Variants in PLD2 observed in about 807,000 individuals in gnomAD.
PLD2 encodes phospholipase D2.
PLD2 carries 101 observed loss-of-function variants against 119.8 expected under a neutral mutation model. The observed-to-expected ratio is 0.84, with a 90% CI of 0.72 to 0.99. The LOEUF is 0.99. Among genes scored for constraint, PLD2 ranks in the 50% least tolerant of loss-of-function variants. PLD2 has a pLI of 0.00. For synonymous variants in PLD2, 494 were observed against 482.8 expected (o/e 1.02, Z -0.30); for missense variants, 1,164 against 1,226.8 (o/e 0.95, Z 0.76).
At chr17:4,815,663 C>T in intron 13 of PLD2, 77 bp downstream of exon 13, 1 of 1,589,086 alleles carries the variant, frequency 6.3e-7, no homozygotes, top group African/African-American at 1.3e-5. Flanking sequence ...CGCTCCCGCT[C>T]CCTGATGGTC....
rs1380279496 is a variant in PLD2 at position 4,814,447 on chromosome 17, C to T, written c.1040C>T (p.Ala347Val). 9.9e-6 allele frequency: 16 copies of T among 1,612,624 alleles called. No homozygotes were observed. Among genetic ancestry groups the T allele is most frequent in the Non-Finnish European group, 1.4e-5 (16 of 1,179,692 alleles). ...WFVNGAGYFAAVADAILRAQE... is the reference protein window; with the variant it reads ...WFVNGAGYFAVVADAILRAQE... ...GTGAATGGGGCAGGTTACTTTGCTGCTGTGGCAGATGCCATCCTTCGAGCT... is the reference window on the plus strand; with the variant it reads ...GTGAATGGGGCAGGTTACTTTGCTGTTGTGGCAGATGCCATCCTTCGAGCT... The change falls in exon 11 of 25, where the codon GCT (alanine) becomes GTT (valine). Residue 347 changes from alanine to valine, a missense_variant. Coordinates refer to ENST00000263088, the MANE Select transcript of PLD2 (RefSeq NM_002663.5).
chr17:4,807,861 TGAA>T lies in PLD2; in HGVS notation c.91_93del (p.Lys31del). 6.2e-7 allele frequency: 1 copy of T among 1,612,818 alleles called. No individual in the cohort carries two copies. Among genetic ancestry groups the T allele is most frequent in the East Asian group, 2.2e-5 (1 of 44,794 alleles). On this transcript the variant is annotated inframe_deletion, in exon 2 of 25. Coordinates refer to ENST00000263088, the MANE Select transcript of PLD2 (RefSeq NM_002663.5). This position sits in a 1 kb window ranked among gnomAD's most constrained non-coding sequence, Gnocchi z 5.4. The stretch of plus-strand genomic sequence containing the variant: ...ATGGAGTCCGATGAGGTGGACACCC[TGAA>T]GGAGGGAGAGGACCCAGGTACACAG...
chr17:4,807,337 G>A lies in PLD2; in HGVS notation c.-2+112G>A, dbSNP rs1905951828. 1 of 154,004 alleles carries A rather than the reference G, an allele frequency of 6.5e-6. No homozygotes were observed. The allele number at this position is 154,004 out of a possible 1,614,324, so 9.5% of individuals were successfully genotyped here. ...GACTCAGTCGCACGCTCAGATTTCG[G>A]GATTTCTACCCCCGGCTGGGATCGC... On this transcript the variant is annotated intron_variant, in intron 1 of 24. Coordinates refer to ENST00000263088, the MANE Select transcript of PLD2 (RefSeq NM_002663.5). This position sits in a 1 kb window ranked among gnomAD's most constrained non-coding sequence, Gnocchi z 5.4.
intron 10 of PLD2, among the ~76,000 whole-genome samples, chr17:4,813,198 T>C (rs2150672556): frequency 6.6e-6 from 1 of 152,008 alleles, no homozygotes; most frequent in Non-Finnish European, 1.5e-5. Context: ...TTAGTAGAGA[T>C]AGGATTTCAC....
chr17:4,819,557 T>G lies in PLD2; in HGVS notation c.2437T>G (p.Leu813Val). 1 of 1,612,960 alleles carries G rather than the reference T, an allele frequency of 6.2e-7. No individual in the cohort carries two copies. The highest frequency in any genetic ancestry group is 8.5e-7 in the Non-Finnish European group (1 of 1,179,378). ...AGAGTATCAGGCGGGCAGGTTTGCC[T>G]TGAGTCTGCGGAAGCACTGCTTCGG... is the stretch of plus-strand genomic sequence containing the variant. ...GAEYQAGRFA[L>V]SLRKHCFGVI... The change falls in exon 23 of 25, where the codon TTG (leucine) becomes GTG (valine). Residue 813 changes from leucine to valine, a missense_variant. Coordinates refer to ENST00000263088, the MANE Select transcript of PLD2 (RefSeq NM_002663.5). The surrounding 1 kb of genome is among the most constrained non-coding windows in gnomAD (Gnocchi z 4.2).
chr17:4,810,927 C>G lies in PLD2; in HGVS notation c.986C>G (p.Pro329Arg). 6.2e-7 allele frequency: 1 copy of G among 1,612,594 alleles called. No individual in the cohort carries two copies. Among genetic ancestry groups the G allele is most frequent in the South Asian group, 1.1e-5 (1 of 90,994 alleles). The change falls in exon 10 of 25, where the codon CCC (proline) becomes CGC (arginine). Residue 329 changes from proline to arginine, a missense_variant. By Grantham distance (103) the Pro-to-Arg change is moderately radical. Transcript: ENST00000263088. The stretch of plus-strand genomic sequence containing the variant: ...CACCGGCATGACAGCTACGCCCCAC[C>G]CCGGCCTGGGACCTTGGCCCGGTGG... ...QLHRHDSYAP[P>R]RPGTLARWFV...
chr17:4,820,556 C>CAAA (rs1162927219), intron 23 of PLD2, among the ~76,000 whole-genome samples: 17 of 73,584 alleles, frequency 2.3e-4, no homozygotes, highest in Non-Finnish European at 4.2e-4. Flanking sequence ...CGCCCCTGGC[C>CAAA]AAAAAAAAAA....
chr17:4,813,257 G>A (rs1299075373), intron 10 of PLD2, among the ~76,000 whole-genome samples: 1 of 152,100 alleles, frequency 6.6e-6, no homozygotes, highest in Non-Finnish European at 1.5e-5. Flanking sequence ...TGATCCACCC[G>A]CTTCGGCTTC....
At position 4,822,841 on chromosome 17, in the gene PLD2, A is replaced by G. The variant is rs761592036; in HGVS notation, c.2779A>G (p.Ile927Val). The change falls in exon 25 of 25, where the codon ATC becomes GTC. Residue 927 changes from isoleucine to valine, a missense_variant. Coordinates refer to ENST00000263088, the MANE Select transcript of PLD2 (RefSeq NM_002663.5). ...LPPLGSKEGM[I>V]PLEVWT ...CCCGCTGGGTAGCAAGGAGGGCATG[A>G]TCCCCCTAGAAGTGTGGACATAGTT... 6.2e-7 allele frequency: 1 copy of G among 1,608,680 alleles called. No homozygotes were observed. Among genetic ancestry groups the G allele is most frequent in the Non-Finnish European group, 8.5e-7 (1 of 1,175,378 alleles).
rs1038380175 is a variant in PLD2 at position 4,823,017 on chromosome 17, A to G, written c.*153A>G. 2 of 589,912 alleles carry G rather than the reference A, an allele frequency of 3.4e-6. No homozygotes were observed. The highest frequency in any genetic ancestry group is 6.0e-6 in the Non-Finnish European group (2 of 331,506). 36.5% of individuals were successfully genotyped at this position (589,912 alleles called of 1,614,324 possible). On this transcript the variant is annotated 3_prime_UTR_variant, in exon 25 of 25. Coordinates refer to ENST00000263088, the MANE Select transcript of PLD2 (RefSeq NM_002663.5). ...ACTAGAGGTGTTACAGAGGACCCTT[A>G]CGTGAGAAATAGCTGAAAAGGGCAC...
At position 4,809,976 on chromosome 17, in the gene PLD2, G is replaced by A. The variant is rs764832095; in HGVS notation, c.807G>A (p.Val269=). ...QLFDPGFEVQ[V]GKRSTEARHG... is the part of the protein sequence containing the mutation. ...TTGACCCTGGCTTTGAGGTGCAAGT[G>A]GGGAAAAGGAGCACGGAGGCACGGC... is the stretch of plus-strand genomic sequence containing the variant. The change falls in exon 9 of 25, where the codon GTG becomes GTA. Residue 269 remains valine, a synonymous_variant. Coordinates refer to ENST00000263088, the MANE Select transcript of PLD2 (RefSeq NM_002663.5). 1 of 1,614,060 alleles carries A rather than the reference G, an allele frequency of 6.2e-7. No homozygotes were observed. Among genetic ancestry groups the A allele is most frequent in the Non-Finnish European group, 8.5e-7 (1 of 1,180,032 alleles).
intron 10 of PLD2, among the ~76,000 whole-genome samples, chr17:4,811,573 C>G (rs1187990869): frequency 1.3e-5 from 2 of 152,108 alleles, no homozygotes; most frequent in East Asian, 3.9e-4. Flanking sequence ...CCACCGTGCC[C>G]AGCCTTAATA....
At chr17:4,817,282 G>C in intron 17 of PLD2, 23 bp downstream of exon 17, 2 of 1,466,026 alleles carry the variant, frequency 1.4e-6, no homozygotes, top group Non-Finnish European at 1.9e-6. Flanking sequence ...ACTTCAGCCA[G>C]CCCTCCCCTT....
rs755100012 is a variant in PLD2 at position 4,818,007 on chromosome 17, G to T, written c.1821G>T (p.Leu607Phe). 8 of 1,609,910 alleles carry T rather than the reference G, an allele frequency of 5.0e-6. No individual in the cohort carries two copies. Among genetic ancestry groups the T allele is most frequent in the Non-Finnish European group, 6.8e-6 (8 of 1,176,268 alleles). The change falls in exon 18 of 25, where the codon TTG becomes TTT. Residue 607 changes from leucine to phenylalanine, a missense_variant. Coordinates refer to ENST00000263088, the MANE Select transcript of PLD2 (RefSeq NM_002663.5). The stretch of plus-strand genomic sequence containing the variant: ...TCGCATTCACCATTCCCTAGGTCTT[G>T]CGATCAGTGGACCGCTGGTCAGCAG... ...PGGQCTTVQV[L>F]RSVDRWSAGT...
chr17:4,817,506 C>CA, intron 17 of PLD2: 1 of 493,900 alleles, frequency 2.0e-6, no homozygotes, highest in Non-Finnish European at 3.7e-6. Context: ...ACTAAAAATA[C>CA]AAAAAATTAG....
Position 4,814,513 on chromosome 17 carries a change from A to G in PLD2, c.1094+12A>G. The G allele has an allele frequency of 6.2e-7, 1 of 1,613,102 alleles. No homozygotes were observed. The highest frequency in any genetic ancestry group is 1.1e-5 in the South Asian group (1 of 90,876). On this transcript the variant is annotated intron_variant, in intron 11 of 24. Coordinates refer to ENST00000263088, the MANE Select transcript of PLD2 (RefSeq NM_002663.5). ...ATCACAGACTGGTGGTGAGTGGGAA[A>G]AGGCCCCAACAACATGGGGCAGGAT...
Position 4,809,293 on chromosome 17 carries a change from T to TGGAGA in PLD2, c.490-5_490-4insGGAGA, listed in dbSNP as rs1188926742. 1 of 1,613,708 alleles carries TGGAGA rather than the reference T, an allele frequency of 6.2e-7. No individual in the cohort carries two copies. Among genetic ancestry groups the TGGAGA allele is most frequent in the South Asian group, 1.1e-5 (1 of 91,072 alleles). On this transcript the variant is annotated splice_polypyrimidine_tract_variant and splice_region_variant and intron_variant, in intron 5 of 24. Coordinates refer to ENST00000263088, the MANE Select transcript of PLD2 (RefSeq NM_002663.5). ...GTCTCTCTCTCTCTCTCATCTCCAC[T>TGGAGA]TCAGAAATACCTGGAGAATTACCTC...
In PLD2 at chr17:4,814,411, C is replaced by T. The variant is rs745322194; in HGVS notation, c.1011-7C>T. ...CCCCTGACCTCCTTGGCTTGGCCTC[C>T]CCCCAGGTTTGTGAATGGGGCAGGT... On this transcript the variant is annotated splice_polypyrimidine_tract_variant and splice_region_variant and intron_variant, in intron 10 of 24. Coordinates refer to ENST00000263088, the MANE Select transcript of PLD2 (RefSeq NM_002663.5). 2 of 1,607,486 alleles carry T rather than the reference C, an allele frequency of 1.2e-6. No individual in the cohort carries two copies. The highest frequency in any genetic ancestry group is 3.4e-5 in the Admixed American group (2 of 58,906).
At chr17:4,821,678 A>T in intron 23 of PLD2, 115 bp from the exon 24 acceptor site, 8 of 661,826 alleles carry the variant, frequency 1.2e-5, no homozygotes, top group Non-Finnish European at 1.6e-5. Flanking sequence ...TACAGGCGTG[A>T]GCCACCGCAC....
Sources: gnomAD v4.1 joint callset for allele counts (sites outside exome capture counted in the v4.1 genomes callset) on GRCh38, gnomAD v4.1.1 for gene constraint, Gnocchi (gnomAD v3.1) non-coding constraint, MANE v1.5 for transcripts, NCBI Gene and HGNC (gene_info 2026-07-23, HGNC 2026-07-21) for gene names.